The following HS6ST3 variants were observed in gnomAD, a reference collection of about 807,000 sequenced individuals.
The protein encoded by HS6ST3 is heparan-sulfate 6-O-sulfotransferase 3.
A neutral mutation model predicts 36.7 loss-of-function variants in HS6ST3; 12 were observed. That is an observed-to-expected ratio of 0.33 (90% confidence interval 0.21 to 0.53). The LOEUF (loss-of-function observed/expected upper bound fraction) is 0.53. Ranked by LOEUF, HS6ST3 falls within the 20% of genes least tolerant of loss-of-function variation. The probability of loss-of-function intolerance (pLI) is 0.95; values close to 1 mark genes in which losing one functional copy is unlikely to be tolerated. For missense variants in HS6ST3, 584 were observed against 640.9 expected (o/e 0.91, Z 0.96); for synonymous variants, 240 against 257.5 (o/e 0.93, Z 0.65).
chr13:96,285,905 C>T (rs77002431), intron 1 of HS6ST3, among the ~76,000 whole-genome samples: 9,194 of 150,780 alleles, frequency 0.061, 630 homozygotes, highest in African/African-American at 0.17. Context: ...CTTTCCCTCT[C>T]TCTCTCCCCC....
At chr13:96,593,679 T>A (rs1223938706) in intron 1 of HS6ST3, among the ~76,000 whole-genome samples, 1 of 151,920 alleles carries the variant, frequency 6.6e-6, no homozygotes, top group Non-Finnish European at 1.5e-5. Context: ...GATAAAATTA[T>A]GAATTTCTTC....
intron 1 of HS6ST3, among the ~76,000 whole-genome samples, chr13:96,377,567 G>A (rs1258618258): frequency 1.3e-5 from 2 of 152,092 alleles, no homozygotes; most frequent in African/African-American, 4.8e-5. Context: ...AATAAAAGCA[G>A]TAGTATTGAG....
chr13:96,351,520 C>T (rs575320897), intron 1 of HS6ST3, among the ~76,000 whole-genome samples: 1 of 152,192 alleles, frequency 6.6e-6, no homozygotes, highest in Admixed American at 6.5e-5. Context: ...CTGCATTGCC[C>T]AGGCTGCTCT....
intron 1 of HS6ST3, among the ~76,000 whole-genome samples, chr13:96,093,742 C>T (rs2053776429): frequency 1.3e-5 from 2 of 152,010 alleles, no homozygotes; most frequent in Admixed American, 1.3e-4. Flanking sequence ...GCATCAAAAG[C>T]TATAGGGAAA....
At chr13:96,233,711 A>G (rs1300191851) in intron 1 of HS6ST3, among the ~76,000 whole-genome samples, 1 of 152,220 alleles carries the variant, frequency 6.6e-6, no homozygotes, top group East Asian at 1.9e-4. Context: ...AGCTTCACTC[A>G]GAAATTAAAC....
At chr13:96,786,131 C>T (rs1043932878) in intron 1 of HS6ST3, among the ~76,000 whole-genome samples, 1 of 152,276 alleles carries the variant, frequency 6.6e-6, no homozygotes, top group East Asian at 1.9e-4. Flanking sequence ...CTGGAACACA[C>T]TGGACCCTTT....
intron 1 of HS6ST3, chr13:96,169,995 C>T (rs897150808): frequency 6.6e-6 from 1 of 152,024 alleles, no homozygotes; most frequent in Admixed American, 6.6e-5. Flanking sequence ...GAATTATTGC[C>T]TGTTATATTG....
intron 1 of HS6ST3, among the ~76,000 whole-genome samples, chr13:96,487,561 G>T (rs1269131133): frequency 6.6e-6 from 1 of 151,932 alleles, no homozygotes; most frequent in Non-Finnish European, 1.5e-5. Context: ...GTAATCTCAG[G>T]TTCATAACTA....
At chr13:96,756,222 T>A (rs1185638757) in intron 1 of HS6ST3, among the ~76,000 whole-genome samples, 1 of 152,216 alleles carries the variant, frequency 6.6e-6, no homozygotes, top group Non-Finnish European at 1.5e-5. Flanking sequence ...TCTTTTTTGT[T>A]AAGGATTTAG....
At chr13:96,168,692 C>A (rs201489633) in intron 1 of HS6ST3, among the ~76,000 whole-genome samples, 147 of 142,148 alleles carry the variant, frequency 1.0e-3, no homozygotes, top group Non-Finnish European at 1.1e-3. Context: ...AGAGTGAGAC[C>A]AAAAAAAAAA....
intron 1 of HS6ST3, among the ~76,000 whole-genome samples, chr13:96,470,357 T>C (rs1036926482): frequency 2.6e-5 from 4 of 152,172 alleles, no homozygotes; most frequent in Non-Finnish European, 5.9e-5. Context: ...TCTCAAACAG[T>C]TGGTTTATAG....
At chr13:96,381,226 T>G (rs2055338974) in intron 1 of HS6ST3, among the ~76,000 whole-genome samples, 1 of 152,322 alleles carries the variant, frequency 6.6e-6, no homozygotes, top group Middle Eastern at 3.4e-3. Flanking sequence ...CTTTGGTGGT[T>G]AGCAGAACTA....
At chr13:96,810,302 A>G (rs1003031704) in intron 1 of HS6ST3, among the ~76,000 whole-genome samples, 1 of 152,166 alleles carries the variant, frequency 6.6e-6, no homozygotes, top group Non-Finnish European at 1.5e-5. Flanking sequence ...TCTTTCCTTC[A>G]GAAAGGGAGG....
chr13:96,544,315 T>C (rs1327637555), intron 1 of HS6ST3, among the ~76,000 whole-genome samples: 1 of 152,186 alleles, frequency 6.6e-6, no homozygotes, highest in Non-Finnish European at 1.5e-5. Context: ...CTATGTAATA[T>C]AATGAACTGT....
intron 1 of HS6ST3, among the ~76,000 whole-genome samples, chr13:96,193,551 A>C (rs561585637): frequency 1.3e-5 from 2 of 152,208 alleles, no homozygotes; most frequent in Non-Finnish European, 2.9e-5. Flanking sequence ...CAATTTAAAC[A>C]GGTCAGAGAC....
intron 1 of HS6ST3, among the ~76,000 whole-genome samples, chr13:96,487,191 G>C (rs566369860): frequency 3.3e-5 from 5 of 151,692 alleles, no homozygotes; most frequent in Non-Finnish European, 7.4e-5. Context: ...TGTGTTTTTT[G>C]GTTCCTTTAC....
intron 1 of HS6ST3, among the ~76,000 whole-genome samples, chr13:96,176,282 G>T (rs537673892): frequency 6.6e-6 from 1 of 152,120 alleles, no homozygotes; most frequent in Non-Finnish European, 1.5e-5. Context: ...TAAAGGAAAA[G>T]AACTGAGGTG....
intron 1 of HS6ST3, among the ~76,000 whole-genome samples, chr13:96,823,725 T>C (rs1430508688): frequency 6.6e-6 from 1 of 152,102 alleles, no homozygotes; most frequent in Admixed American, 6.6e-5. Context: ...GTTCAAGCAA[T>C]TCTCCTACCT....
chr13:96,649,210 C>T (rs2056599281), intron 1 of HS6ST3, among the ~76,000 whole-genome samples: 1 of 151,994 alleles, frequency 6.6e-6, no homozygotes, highest in Non-Finnish European at 1.5e-5. Context: ...AGTTGACTCA[C>T]AGTTCACCAT....
Sources: gnomAD v4.1 joint callset for allele counts (sites outside exome capture counted in the v4.1 genomes callset) on GRCh38, gnomAD v4.1.1 for gene constraint, MANE v1.5 for transcripts, NCBI Gene and HGNC (gene_info 2026-07-23, HGNC 2026-07-21) for gene names.